Variants in RYR3 observed in about 807,000 individuals in gnomAD.
RYR3 encodes the protein ryanodine receptor 3.
Under a neutral mutation model 584.3 loss-of-function variants are expected in RYR3, and 207 were observed. That is an observed-to-expected ratio of 0.35 (90% CI 0.32 to 0.40). The LOEUF (loss-of-function observed/expected upper bound fraction) is 0.40, where lower values mean the gene tolerates loss of function less well. Among genes scored for constraint, RYR3 ranks in the 10% least tolerant of loss-of-function variants. The pLI is 1.00. For synonymous variants in RYR3, 2,416 were observed against 2,248.5 expected, an observed-to-expected ratio of 1.07 and a Z score of -2.11; for missense variants, 5,616 against 6,089.2, an observed-to-expected ratio of 0.92 and a Z score of 2.59.
At chr15:33,759,330 G>A (rs1325493575) in intron 60 of RYR3, among the ~76,000 whole-genome samples, 1 of 152,144 alleles carries the variant, frequency 6.6e-6, no homozygotes, top group Admixed American at 6.5e-5. Context: ...TCAGAAGATG[G>A]GTAATAACAA....
At chr15:33,526,834 C>T (rs1053545221) in intron 3 of RYR3, among the ~76,000 whole-genome samples, 6 of 152,112 alleles carry the variant, frequency 3.9e-5, no homozygotes, top group Non-Finnish European at 8.8e-5. Flanking sequence ...AATAATACCA[C>T]AGAAGATAAT....
intron 81 of RYR3, among the ~76,000 whole-genome samples, chr15:33,825,387 T>A (rs1023846986): frequency 1.3e-5 from 2 of 152,190 alleles, no homozygotes; most frequent in Non-Finnish European, 2.9e-5. Flanking sequence ...CCCCTCTACC[T>A]GTATGTAACA....
At chr15:33,828,256 C>A (rs1258326285) in intron 85 of RYR3, among the ~76,000 whole-genome samples, 1 of 152,186 alleles carries the variant, frequency 6.6e-6, no homozygotes, top group African/African-American at 2.4e-5. Flanking sequence ...CCTCCTTCTC[C>A]TCAGGCCTTC....
rs773193384 is a variant in RYR3, at chr15:33,728,882, G to A, written c.7059G>A (p.Met2353Ile). ...ATGGGTCGGTCAGTGAGCCAGATATGGCGGCCAATTTCTGCCCTGACCACA... is the reference window on the plus strand; with the variant it reads ...ATGGGTCGGTCAGTGAGCCAGATATAGCGGCCAATTTCTGCCCTGACCACA... ...NKDGSVSEPD[M>I]AANFCPDHKA... is the part of the protein sequence containing the mutation. The change falls in exon 47 of 104, where the codon ATG becomes ATA. Residue 2353 changes from methionine (M) to isoleucine (I), a missense_variant. Met to Ile is a conservative substitution (Grantham distance 10, BLOSUM62 1). Coordinates refer to ENST00000634891, the MANE Select transcript of RYR3 (RefSeq NM_001036.6). 1.1e-5 allele frequency: 17 copies of A among 1,612,560 alleles called. No homozygotes were observed. Among genetic ancestry groups the A allele is most frequent in the Non-Finnish European group, 1.4e-5 (17 of 1,179,560 alleles).
At chr15:33,696,562 A>G in intron 39 of RYR3, 71 bp downstream of exon 39, 2 of 1,443,986 alleles carry the variant, frequency 1.4e-6, no homozygotes, top group Non-Finnish European at 1.9e-6. Flanking sequence ...ACCTTGATAT[A>G]GAGATATAGT....
chr15:33,390,777 G>T lies in RYR3; in HGVS notation c.51+79681G>T, dbSNP rs765763101. ...AAGAGCGGTACTTGCTAGTCAGAGG[G>T]TGCTTCTGTGACCATACCCCAATAA... On this transcript the variant is annotated intron_variant, in intron 1 of 103. Transcript: ENST00000634891. The surrounding 1 kb of genome is among the most constrained non-coding windows in gnomAD (Gnocchi z 4.2). Among the ~76,000 whole-genome samples the T allele has an allele frequency of 6.6e-6, 1 of 152,094 alleles. No individual in the cohort carries two copies. The highest frequency in any genetic ancestry group is 6.5e-5 in the Admixed American group (1 of 15,270).
intron 38 of RYR3, among the ~76,000 whole-genome samples, chr15:33,672,166 G>A (rs1304503728): frequency 6.6e-6 from 1 of 151,868 alleles, no homozygotes; most frequent in East Asian, 1.9e-4. Context: ...GGGGGGTGGG[G>A]TCCCACCAGG....
chr15:33,505,269 A>G (rs544105105), intron 3 of RYR3, among the ~76,000 whole-genome samples: 1 of 152,330 alleles, frequency 6.6e-6, no homozygotes, highest in African/African-American at 2.4e-5. Flanking sequence ...TTAGATCTCT[A>G]AACCCCTTAA....
In RYR3 at chr15:33,449,425, C is replaced by T. The variant is rs948688253; in HGVS notation, c.52-23994C>T. ...TGTAACATAATCTTGGCAATGACATCGTGAATCAAGCCACTAGGTCCAGCC... is the reference window on the plus strand; with the variant it reads ...TGTAACATAATCTTGGCAATGACATTGTGAATCAAGCCACTAGGTCCAGCC... On this transcript the variant is annotated intron_variant, in intron 1 of 103. Transcript: ENST00000634891. Among the ~76,000 whole-genome samples, 21 of 152,226 alleles carry T rather than the reference C, an allele frequency of 1.4e-4. No individual in the cohort carries two copies. The South Asian group carries it at 1.9e-3, about 14-fold the overall frequency.
chr15:33,588,172 A>G lies in RYR3; in HGVS notation c.1788+2056A>G, dbSNP rs909302751. Among the ~76,000 whole-genome samples the G allele has an allele frequency of 4.6e-5, 7 of 152,184 alleles. No homozygotes were observed. In the South Asian group the frequency reaches 1.2e-3, roughly 27 times the overall value. ...CTTATTCAGTTCTCATTACGACCTT[A>G]TGACATAGCATCATTATTATTTGTA... On this transcript the variant is annotated intron_variant, in intron 16 of 103. Transcript: ENST00000634891.
At chr15:33,799,579 T>A (rs2075809166) in intron 67 of RYR3, among the ~76,000 whole-genome samples, 1 of 152,250 alleles carries the variant, frequency 6.6e-6, no homozygotes, top group South Asian at 2.1e-4. Flanking sequence ...ATCTCTTTCA[T>A]TTGGCTATTC....
At chr15:33,698,679 G>A (rs541658626) in intron 40 of RYR3, among the ~76,000 whole-genome samples, 3 of 152,126 alleles carry the variant, frequency 2.0e-5, no homozygotes, top group African/African-American at 7.2e-5. Context: ...TACTGGGGAG[G>A]GGGTGGGTGT....
intron 40 of RYR3, among the ~76,000 whole-genome samples, chr15:33,698,515 G>A (rs907742488): frequency 6.6e-6 from 1 of 152,182 alleles, no homozygotes; most frequent in Admixed American, 6.5e-5. Context: ...GTGGGGATAG[G>A]ACACAACTGG....
chr15:33,437,839 C>T (rs978760858), intron 1 of RYR3, among the ~76,000 whole-genome samples: 1 of 152,120 alleles, frequency 6.6e-6, no homozygotes, highest in Non-Finnish European at 1.5e-5. Context: ...CTCAAGTGTT[C>T]CTCCCACCTC....
chr15:33,799,924 A>T (rs1306689526), intron 67 of RYR3, among the ~76,000 whole-genome samples: 1 of 108,420 alleles, frequency 9.2e-6, no homozygotes, highest in Non-Finnish European at 1.9e-5. Flanking sequence ...GCAGAGAAAC[A>T]GTGGGGGTTT....
intron 3 of RYR3, among the ~76,000 whole-genome samples, chr15:33,506,601 A>G (rs1157327574): frequency 1.3e-5 from 2 of 152,138 alleles, no homozygotes; most frequent in Non-Finnish European, 2.9e-5. Flanking sequence ...GAGAAGAGAG[A>G]TGGAACACAG....
At chr15:33,719,220 C>CA (rs1395701293) in intron 43 of RYR3, among the ~76,000 whole-genome samples, 2 of 152,214 alleles carry the variant, frequency 1.3e-5, no homozygotes, top group Non-Finnish European at 2.9e-5. Flanking sequence ...AATCAAGGGC[C>CA]GGCTTCCTGG....
At chr15:33,564,223 CT>C (rs1232889916) in intron 11 of RYR3, among the ~76,000 whole-genome samples, 1 of 152,162 alleles carries the variant, frequency 6.6e-6, no homozygotes, top group African/African-American at 2.4e-5. Flanking sequence ...GTAGAGAGAA[CT>C]GCAAAAACAT....
intron 69 of RYR3, among the ~76,000 whole-genome samples, chr15:33,803,985 C>A (rs943079345): frequency 6.6e-6 from 1 of 152,332 alleles, no homozygotes; most frequent in Middle Eastern, 3.4e-3. Context: ...TGAATGAATG[C>A]TCAAGGTCCT....
Sources: gnomAD v4.1 joint callset for allele counts (sites outside exome capture counted in the v4.1 genomes callset) on GRCh38, gnomAD v4.1.1 for gene constraint, Gnocchi (gnomAD v3.1) non-coding constraint, MANE v1.5 for transcripts, NCBI Gene and HGNC (gene_info 2026-07-23, HGNC 2026-07-21) for gene names.